LINGO2: variants seen among roughly 807,000 people sequenced by gnomAD.
LINGO2 encodes leucine-rich repeat and immunoglobulin-like domain-containing nogo receptor-interacting protein 2.
In LINGO2, 14 loss-of-function variants were observed where a neutral mutation model predicts 30.6. The observed-to-expected ratio is 0.46, with a 90% CI of 0.30 to 0.72. The LOEUF (loss-of-function observed/expected upper bound fraction) is 0.72. LINGO2 is among the 30% of genes least tolerant of loss of function. LINGO2 has a pLI of 0.07. For synonymous variants in LINGO2, 317 were observed against 288.5 expected (o/e 1.10, Z -1.00); for missense variants, 729 against 751.7 (o/e 0.97, Z 0.35).
chr9:28,754,635 CT>C, the LINGO2 span, among the ~76,000 whole-genome samples: 1,270 of 143,166 alleles, frequency 8.9e-3, 27 homozygotes, highest in East Asian at 0.041. Context: ...TGTTTCTGTC[CT>C]TTTTTTTTTT....
At chr9:29,147,895 G>T in the LINGO2 span, among the ~76,000 whole-genome samples, 1 of 151,956 alleles carries the variant, frequency 6.6e-6, no homozygotes, top group African/African-American at 2.4e-5. Context: ...TAATAAACCT[G>T]ATTATCCCTA....
the LINGO2 span, among the ~76,000 whole-genome samples, chr9:28,705,924 T>G: frequency 9.4e-5 from 14 of 149,242 alleles, no homozygotes; most frequent in Non-Finnish European, 1.9e-4. Flanking sequence ...CTAAAAAGAG[T>G]GGTTGATTTT....
intron 1 of LINGO2, among the ~76,000 whole-genome samples, chr9:28,495,824 C>G (rs1162451742): frequency 6.6e-6 from 1 of 152,158 alleles, no homozygotes; most frequent in Non-Finnish European, 1.5e-5. Flanking sequence ...CTACACACTG[C>G]TTTAAATGTG....
intron 4 of LINGO2, among the ~76,000 whole-genome samples, chr9:28,083,974 C>G (rs1169096741): frequency 6.6e-6 from 1 of 152,148 alleles, no homozygotes; most frequent in African/African-American, 2.4e-5. Context: ...TTTTAATTAA[C>G]TAATAATGAT....
At chr9:29,168,952 C>A in the LINGO2 span, among the ~76,000 whole-genome samples, 1 of 151,950 alleles carries the variant, frequency 6.6e-6, no homozygotes, top group Non-Finnish European at 1.5e-5. Flanking sequence ...TCTGGATTTT[C>A]TTTTTGTTTT....
At chr9:27,972,309 A>C (rs911763534) in intron 5 of LINGO2, among the ~76,000 whole-genome samples, 9 of 152,212 alleles carry the variant, frequency 5.9e-5, no homozygotes, top group Non-Finnish European at 1.2e-4. Flanking sequence ...AGGAGTGAAA[A>C]ATAGATGTTA....
chr9:28,402,910 G>A lies in LINGO2; in HGVS notation c.-278-30042C>T, dbSNP rs1415754432. Among the ~76,000 whole-genome samples the A allele has an allele frequency of 1.2e-4, 19 of 152,156 alleles. No homozygotes were observed. In the East Asian group the frequency reaches 3.3e-3, roughly 26 times the overall value. On this transcript the variant is annotated intron_variant, in intron 2 of 5. Transcript: ENST00000379992. ...GTAGAATGTGCAGTAGAAAAAGCAG[G>A]GTTTTGGCAAAATCACATCGGGTCT...
At chr9:28,205,266 C>T (rs897167727) in intron 4 of LINGO2, among the ~76,000 whole-genome samples, 1 of 152,136 alleles carries the variant, frequency 6.6e-6, no homozygotes, top group African/African-American at 2.4e-5. Flanking sequence ...AGTTCCTCAC[C>T]TGAATGTTTT....
chr9:28,172,789 A>G (rs181608115), intron 4 of LINGO2, among the ~76,000 whole-genome samples: 1 of 151,920 alleles, frequency 6.6e-6, no homozygotes, highest in Admixed American at 6.6e-5. Context: ...TTTGTCTTTG[A>G]CAGACTCTCT....
the LINGO2 span, among the ~76,000 whole-genome samples, chr9:29,163,801 G>A: frequency 6.6e-6 from 1 of 152,060 alleles, no homozygotes; most frequent in Non-Finnish European, 1.5e-5. Context: ...TAAAATAATA[G>A]ATTTTTTAAT....
At chr9:28,764,005 T>C in the LINGO2 span, among the ~76,000 whole-genome samples, 20 of 151,220 alleles carry the variant, frequency 1.3e-4, no homozygotes, top group Non-Finnish European at 2.8e-4. Context: ...CAATAACAAA[T>C]GAGGAGATTG....
intron 3 of LINGO2, among the ~76,000 whole-genome samples, chr9:28,311,421 A>G (rs1306791088): frequency 1.3e-5 from 2 of 152,114 alleles, no homozygotes; most frequent in Non-Finnish European, 2.9e-5. Flanking sequence ...TCCTCATCCT[A>G]ATAAGCCTGG....
chr9:28,332,760 C>T (rs112560036), intron 3 of LINGO2, among the ~76,000 whole-genome samples: 5,721 of 152,162 alleles, frequency 0.038, 186 homozygotes, highest in Admixed American at 0.095. Flanking sequence ...GAATTCAACG[C>T]ATGCCTGGAG....
At chr9:29,030,224 T>A in the LINGO2 span, among the ~76,000 whole-genome samples, 569 of 152,266 alleles carry the variant, frequency 3.7e-3, 1 homozygote, top group Non-Finnish European at 6.3e-3. Flanking sequence ...AGAAAAGTAT[T>A]ATTTTATCAG....
chr9:28,263,888 TA>T (rs1822653235), intron 4 of LINGO2, among the ~76,000 whole-genome samples: 1 of 152,010 alleles, frequency 6.6e-6, no homozygotes, highest in Non-Finnish European at 1.5e-5. Context: ...GCATTTTCAG[TA>T]TGACTGGATT....
At chr9:28,107,904 T>C (rs1393789474) in intron 4 of LINGO2, among the ~76,000 whole-genome samples, 1 of 152,092 alleles carries the variant, frequency 6.6e-6, no homozygotes, top group African/African-American at 2.4e-5. Context: ...ATGTATCCCT[T>C]CTAAGAAAAA....
At position 28,147,531 on chromosome 9, in the gene LINGO2, C is replaced by T. The variant is rs1029886378; in HGVS notation, c.-86-135126G>A. Among the ~76,000 whole-genome samples the T allele has an allele frequency of 6.6e-6, 1 of 152,152 alleles. No homozygotes were observed. Among genetic ancestry groups the T allele is most frequent in the African/African-American group, 2.4e-5 (1 of 41,454 alleles). On this transcript the variant is annotated intron_variant, in intron 4 of 5. Coordinates refer to ENST00000379992, the Ensembl canonical transcript of LINGO2. The surrounding 1 kb of genome is among the most constrained non-coding windows in gnomAD (Gnocchi z 4.7). ...AGGCACTGGAGAGGCCCCGGGGGAG[C>T]CTGGCGGGATCTGGCTGGTCCTGTG...
intron 1 of LINGO2, among the ~76,000 whole-genome samples, chr9:28,578,379 A>G (rs10968660): frequency 0.01 from 1,598 of 152,242 alleles, 27 homozygotes; most frequent in African/African-American, 0.036. Context: ...AACAGATTAA[A>G]TTTATCCAAT....
chr9:28,220,323 A>T (rs1396471628), intron 4 of LINGO2, among the ~76,000 whole-genome samples: 2 of 152,186 alleles, frequency 1.3e-5, no homozygotes, highest in Non-Finnish European at 2.9e-5. Context: ...TCCTTTAAAA[A>T]GTATAATACT....
Sources: allele counts gnomAD v4.1 joint callset (sites outside exome capture counted in the v4.1 genomes callset), GRCh38; gene constraint gnomAD v4.1.1; non-coding constraint Gnocchi (gnomAD v3.1); transcripts MANE v1.5; gene names NCBI Gene and HGNC (gene_info 2026-07-23, HGNC 2026-07-21).